Variants in SMARCC1 observed in about 807,000 individuals in gnomAD.
SMARCC1 encodes SWI/SNF complex subunit SMARCC1.
A neutral mutation model predicts 147.4 loss-of-function variants in SMARCC1; 43 were observed. The ratio of observed to expected loss-of-function variants is 0.29; its 90% confidence interval spans 0.23 to 0.38. The LOEUF is 0.38. Among genes scored for constraint, SMARCC1 ranks in the 10% least tolerant of loss-of-function variants. The pLI is 1.00. For missense variants in SMARCC1, 1,119 were observed against 1,381.1 expected (o/e 0.81, Z 3.01); for synonymous variants, 495 against 484.4 (o/e 1.02, Z -0.29).
At chr3:47,760,595 A>T (rs2034761979) in intron 2 of SMARCC1, among the ~76,000 whole-genome samples, 1 of 151,056 alleles carries the variant, frequency 6.6e-6, no homozygotes, top group African/African-American at 2.4e-5. Context: ...CTGGTAGGGG[A>T]GGAGACTGCA....
chr3:47,708,376 A>G (rs2034042861), intron 9 of SMARCC1, among the ~76,000 whole-genome samples: 1 of 151,890 alleles, frequency 6.6e-6, no homozygotes, highest in Admixed American at 6.6e-5. Context: ...CCTGGGCTCA[A>G]GCACTCCACC....
In SMARCC1 at chr3:47,678,195, T is replaced by C; in HGVS notation, c.1571+3A>G. 6.5e-7 allele frequency: 1 copy of C among 1,542,820 alleles called. No homozygotes were observed. The highest frequency in any genetic ancestry group is 8.9e-7 in the Non-Finnish European group (1 of 1,125,416). ...ATGTCTCAGAAAAAGTCAAACAGTT[T>C]ACCTCATCACAGCACACACATCTCC... On this transcript the variant is annotated splice_donor_region_variant and intron_variant, in intron 16 of 27. Coordinates refer to ENST00000254480, the MANE Select transcript of SMARCC1 (RefSeq NM_003074.4).
rs746335031 is a variant in SMARCC1 at position 47,781,695 on chromosome 3, C to A, written c.103G>T (p.Asp35Tyr). 3 of 1,563,162 alleles carry A rather than the reference C, an allele frequency of 1.9e-6. No homozygotes were observed. The Admixed American group carries it at 5.7e-5, about 30-fold the overall frequency. Residue 35 changes from aspartate (D) to tyrosine (Y), a missense_variant, in exon 1 of 28, where the codon GAT (aspartate) becomes TAT (tyrosine). Asp to Tyr is a radical substitution (Grantham distance 160). Transcript: ENST00000254480. ...CAAAACTTGGTGGCCGGGCCCCCAT[C>A]CTTCCGTCGATAAACAGCTAGGCCT... ...AAGLAVYRRK[D>Y]GGPATKFWES...
intron 6 of SMARCC1, among the ~76,000 whole-genome samples, chr3:47,722,916 C>G (rs2034250036): frequency 6.6e-6 from 1 of 152,112 alleles, no homozygotes; most frequent in South Asian, 2.1e-4. Flanking sequence ...GGGGTTTCCA[C>G]AGAAAAGGTA....
At chr3:47,617,548 T>C (rs1191588665) in intron 25 of SMARCC1, among the ~76,000 whole-genome samples, 2 of 152,248 alleles carry the variant, frequency 1.3e-5, no homozygotes, top group African/African-American at 4.8e-5. Context: ...ATGTATGTGC[T>C]AGACACTGTG....
At chr3:47,780,554 C>CA (rs979053792) in intron 1 of SMARCC1, among the ~76,000 whole-genome samples, 2 of 151,600 alleles carry the variant, frequency 1.3e-5, no homozygotes, top group Non-Finnish European at 2.9e-5. Flanking sequence ...CTGCTGAGGC[C>CA]AAAAAAATAG....
intron 4 of SMARCC1, 135 bp downstream of exon 4, chr3:47,737,894 C>T (rs2034463245): frequency 2.4e-6 from 1 of 422,550 alleles, no homozygotes; most frequent in Non-Finnish European, 4.4e-6. Flanking sequence ...GATCTCCTGA[C>T]CTCGTGATCC....
chr3:47,718,681 G>A (rs1355034636), intron 7 of SMARCC1, among the ~76,000 whole-genome samples: 3 of 151,102 alleles, frequency 2.0e-5, no homozygotes, highest in Non-Finnish European at 4.4e-5. Context: ...CATATCAACT[G>A]TACCCCAATA....
At chr3:47,606,397 G>A (rs973030648) in intron 26 of SMARCC1, among the ~76,000 whole-genome samples, 2 of 152,148 alleles carry the variant, frequency 1.3e-5, no homozygotes, top group African/African-American at 2.4e-5. Context: ...AAAGCTATGC[G>A]GCCTTGCCAT....
chr3:47,602,992 T>A (rs532849384), intron 26 of SMARCC1, among the ~76,000 whole-genome samples: 22 of 152,074 alleles, frequency 1.4e-4, no homozygotes, highest in Non-Finnish European at 2.5e-4. Context: ...TCTACTAAAA[T>A]ACATCCATGC....
At chr3:47,730,344 G>A (rs1039891792) in intron 5 of SMARCC1, among the ~76,000 whole-genome samples, 28 of 152,086 alleles carry the variant, frequency 1.8e-4, no homozygotes, top group Middle Eastern at 3.4e-3. Flanking sequence ...AAATTAGCCC[G>A]GCACTTTTGT....
intron 1 of SMARCC1, among the ~76,000 whole-genome samples, chr3:47,776,394 G>A (rs2034975698): frequency 6.6e-6 from 1 of 152,142 alleles, no homozygotes; most frequent in South Asian, 2.1e-4. Flanking sequence ...TTGAGGTCAG[G>A]AGTTTGAGAC....
At chr3:47,613,962 A>C in intron 25 of SMARCC1, among the ~76,000 whole-genome samples, 2 of 136,126 alleles carry the variant, frequency 1.5e-5, no homozygotes, top group South Asian at 2.8e-4. Flanking sequence ...TCTCCCTTCT[A>C]TTTGCATAAA....
intron 7 of SMARCC1, among the ~76,000 whole-genome samples, chr3:47,715,593 T>C (rs138349347): frequency 9.8e-4 from 150 of 152,332 alleles, no homozygotes; most frequent in Middle Eastern, 3.4e-3. Context: ...ATTTTTCACA[T>C]AGCCATTGTG....
chr3:47,733,850 C>A (rs373428703), intron 5 of SMARCC1, among the ~76,000 whole-genome samples: 22 of 118,480 alleles, frequency 1.9e-4, no homozygotes, highest in Admixed American at 9.0e-4. Flanking sequence ...GGCGACACAG[C>A]GAGACTCTGT....
chr3:47,693,220 G>C (rs1341248318), intron 12 of SMARCC1, 21 bp downstream of exon 12: 1 of 1,360,132 alleles, frequency 7.4e-7, no homozygotes, highest in Non-Finnish European at 1.1e-6. Context: ...ACAGACCAGT[G>C]TATAGATTTT....
chr3:47,774,852 G>C (rs1419914505), intron 1 of SMARCC1, among the ~76,000 whole-genome samples: 2 of 151,712 alleles, frequency 1.3e-5, no homozygotes, highest in African/African-American at 4.8e-5. Flanking sequence ...TGTCTCCCAG[G>C]ATGGAATACA....
At chr3:47,627,611 A>G (rs944486190) in intron 24 of SMARCC1, among the ~76,000 whole-genome samples, 2 of 152,208 alleles carry the variant, frequency 1.3e-5, no homozygotes, top group Admixed American at 6.5e-5. Flanking sequence ...CCTCAGGGTA[A>G]AGAGCTCGAG....
At chr3:47,622,171 T>C in intron 25 of SMARCC1, 36 bp downstream of exon 25, 9 of 1,580,648 alleles carry the variant, frequency 5.7e-6, no homozygotes, top group Non-Finnish European at 6.9e-6. Flanking sequence ...CAAGGTTTAA[T>C]TGTGAAAAAG....
Sources: gnomAD v4.1 joint callset for allele counts (sites outside exome capture counted in the v4.1 genomes callset) on GRCh38, gnomAD v4.1.1 for gene constraint, MANE v1.5 for transcripts, NCBI Gene and HGNC (gene_info 2026-07-23, HGNC 2026-07-21) for gene names.